The following WWOX variants were observed in gnomAD, a reference collection of about 807,000 sequenced individuals.
WWOX encodes the protein WW domain containing oxidoreductase.
In WWOX, 69 loss-of-function variants were observed where a neutral mutation model predicts 46.2. The observed-to-expected ratio is 1.49, with a 90% CI of 1.23 to 1.82. The LOEUF is 1.82. WWOX is among the 40% of genes most tolerant of loss of function. The probability of loss-of-function intolerance (pLI) is 0.00; values close to 1 mark genes in which losing one functional copy is unlikely to be tolerated. For synonymous variants in WWOX, 359 were observed against 202.6 expected, an observed-to-expected ratio of 1.77 and a Z score of -6.56; for missense variants, 919 against 542.6, an observed-to-expected ratio of 1.69 and a Z score of -6.89.
intron 5 of WWOX, among the ~76,000 whole-genome samples, chr16:78,353,358 T>A (rs1178727983): frequency 6.6e-6 from 1 of 152,182 alleles, no homozygotes; most frequent in East Asian, 1.9e-4. Context: ...TATGAACAGA[T>A]GCCACAGCTG....
chr16:78,660,936 G>A (rs189110410), intron 8 of WWOX, among the ~76,000 whole-genome samples: 25 of 152,186 alleles, frequency 1.6e-4, no homozygotes, highest in South Asian at 6.2e-4. Context: ...ACTGCATGAC[G>A]GATAATATGC....
chr16:78,818,506 G>T lies in WWOX; in HGVS notation c.1056+385754G>T, dbSNP rs576331675. Reference sequence around the variant, plus strand: ...AGCACTTCGGGAGGCCACGGCAAGAGGATCACTTGAAGCCAGGAGTTTGAG... The same window carrying T: ...AGCACTTCGGGAGGCCACGGCAAGATGATCACTTGAAGCCAGGAGTTTGAG... On this transcript the variant is annotated intron_variant, in intron 8 of 8. Coordinates refer to ENST00000566780, the MANE Select transcript of WWOX (RefSeq NM_016373.4). Among the ~76,000 whole-genome samples, 4 of 152,346 alleles carry T rather than the reference G, an allele frequency of 2.6e-5. No individual in the cohort carries two copies. In the South Asian group the frequency reaches 6.2e-4, roughly 24 times the overall value.
At chr16:78,269,786 G>A (rs180790262) in intron 5 of WWOX, among the ~76,000 whole-genome samples, 9 of 152,184 alleles carry the variant, frequency 5.9e-5, no homozygotes, top group East Asian at 5.8e-4. Context: ...TTCCGAGGCC[G>A]ACATAACTGA....
intron 8 of WWOX, among the ~76,000 whole-genome samples, chr16:78,821,565 G>C (rs745334062): frequency 1.3e-5 from 2 of 152,178 alleles, no homozygotes; most frequent in Non-Finnish European, 2.9e-5. Context: ...CAGTGTCCCA[G>C]GGTCAAGCTC....
chr16:78,903,956 A>C (rs1428222138), intron 8 of WWOX, among the ~76,000 whole-genome samples: 3 of 152,152 alleles, frequency 2.0e-5, no homozygotes, highest in Non-Finnish European at 4.4e-5. Flanking sequence ...CCACACAGCG[A>C]ATGAATGGAG....
chr16:78,147,685 T>TTTTTTG (rs2034249673), intron 4 of WWOX, among the ~76,000 whole-genome samples: 3 of 125,164 alleles, frequency 2.4e-5, no homozygotes, highest in Non-Finnish European at 5.1e-5. Flanking sequence ...CTTTTTTTTT[T>TTTTTTG]TTTTTTTTTT....
intron 8 of WWOX, among the ~76,000 whole-genome samples, chr16:78,626,445 A>C (rs1447941132): frequency 6.6e-6 from 1 of 152,000 alleles, no homozygotes; most frequent in East Asian, 1.9e-4. Context: ...CTGTGTTGGG[A>C]TTTTTATGAT....
rs185275204 is a variant in WWOX at position 78,785,932 on chromosome 16, A to G, written c.1056+353180A>G. On this transcript the variant is annotated intron_variant, in intron 8 of 8. Coordinates refer to ENST00000566780, the MANE Select transcript of WWOX (RefSeq NM_016373.4). ...TATTTTATTTTATTTTTTGAGATGG[A>G]GTCTCATTCTGTCGCCCAGGCTGGA... is the stretch of plus-strand genomic sequence containing the variant. Among the ~76,000 whole-genome samples the G allele has an allele frequency of 3.0e-4, 46 of 152,222 alleles. No homozygotes were observed. In the East Asian group the frequency reaches 8.5e-3, roughly 28 times the overall value.
intron 8 of WWOX, among the ~76,000 whole-genome samples, chr16:78,445,262 A>G (rs1290746451): frequency 1.3e-5 from 2 of 152,216 alleles, no homozygotes; most frequent in Non-Finnish European, 1.5e-5. Context: ...GATTTGGGGC[A>G]TTAGCGAGTA....
chr16:78,356,185 T>C (rs890703413), intron 5 of WWOX, among the ~76,000 whole-genome samples: 1 of 150,264 alleles, frequency 6.7e-6, no homozygotes, highest in Non-Finnish European at 1.5e-5. Context: ...AGACTCTGTC[T>C]CAAAATAAAT....
intron 5 of WWOX, among the ~76,000 whole-genome samples, chr16:78,354,636 T>A (rs528001498): frequency 6.6e-6 from 1 of 152,294 alleles, no homozygotes; most frequent in South Asian, 2.1e-4. Context: ...AATTCCTTAT[T>A]ATATTTTGCC....
At chr16:78,114,341 C>T (rs1469060213) in intron 3 of WWOX, among the ~76,000 whole-genome samples, 1 of 152,144 alleles carries the variant, frequency 6.6e-6, no homozygotes, top group African/African-American at 2.4e-5. Flanking sequence ...CTCAAGTGGT[C>T]CTCTTGCCTT....
At chr16:78,399,521 C>A (rs948791528) in intron 6 of WWOX, among the ~76,000 whole-genome samples, 1 of 152,138 alleles carries the variant, frequency 6.6e-6, no homozygotes, top group African/African-American at 2.4e-5. Context: ...TTGGGTTGAA[C>A]AGGGAGCGAC....
chr16:78,415,076 TATA>T (rs201901275), intron 6 of WWOX, among the ~76,000 whole-genome samples: 2,346 of 148,456 alleles, frequency 0.016, 41 homozygotes, highest in Non-Finnish European at 0.023. Flanking sequence ...TATATTTTAA[TATA>T]ATATATATAA....
chr16:78,639,985 C>G (rs2046664428), intron 8 of WWOX, among the ~76,000 whole-genome samples: 1 of 152,270 alleles, frequency 6.6e-6, no homozygotes, highest in East Asian at 1.9e-4. Context: ...CTTTTTGAAT[C>G]CCACACAGTG....
chr16:78,890,311 C>T (rs941301990), intron 8 of WWOX: 1 of 136,072 alleles, frequency 7.3e-6, no homozygotes, highest in African/African-American at 3.8e-5. Context: ...TGACCTCTTG[C>T]CTCTCCATCA....
intron 8 of WWOX, chr16:79,004,400 C>T (rs1027197735): frequency 6.6e-6 from 1 of 152,156 alleles, no homozygotes; most frequent in Non-Finnish European, 1.5e-5. Flanking sequence ...TTCCATTGGC[C>T]CTGGAGTGGA....
At chr16:78,577,768 C>G (rs944451183) in intron 8 of WWOX, among the ~76,000 whole-genome samples, 2 of 152,176 alleles carry the variant, frequency 1.3e-5, no homozygotes, top group African/African-American at 4.8e-5. Context: ...GAAGGTGCCA[C>G]TTTGCGAACG....
intron 8 of WWOX, among the ~76,000 whole-genome samples, chr16:78,476,927 T>C (rs1001978745): frequency 2.0e-5 from 3 of 152,058 alleles, no homozygotes; most frequent in African/African-American, 7.2e-5. Context: ...CTCCTTTCCG[T>C]CCTTCCTCCT....
Sources: gnomAD v4.1 joint callset for allele counts (sites outside exome capture counted in the v4.1 genomes callset) on GRCh38, gnomAD v4.1.1 for gene constraint, MANE v1.5 for transcripts, NCBI Gene and HGNC (gene_info 2026-07-23, HGNC 2026-07-21) for gene names.